The following IGSF21 variants were observed in gnomAD, a reference collection of about 807,000 sequenced individuals.
IGSF21 encodes immunoglobulin superfamily member 21.
A neutral mutation model predicts 46.8 loss-of-function variants in IGSF21; 28 were observed. The ratio of observed to expected loss-of-function variants is 0.60; its 90% CI spans 0.44 to 0.82. The LOEUF is 0.82. IGSF21 is among the 40% of genes least tolerant of loss of function. The probability of loss-of-function intolerance (pLI) is 0.00; values close to 1 mark genes in which losing one functional copy is unlikely to be tolerated. For synonymous variants in IGSF21, 284 were observed against 273.6 expected (o/e 1.04, Z -0.38); for missense variants, 624 against 665.5 (o/e 0.94, Z 0.69).
At chr1:18,304,550 A>G (rs1372992890) in intron 3 of IGSF21, among the ~76,000 whole-genome samples, 2 of 152,176 alleles carry the variant, frequency 1.3e-5, no homozygotes, top group Non-Finnish European at 2.9e-5. Context: ...TCAAAAGTCA[A>G]CTTCTGACTC....
rs566185868 is a variant in IGSF21, at chr1:18,291,617, C to T, written c.184-249C>T. Among the ~76,000 whole-genome samples the T allele has an allele frequency of 6.6e-5, 10 of 152,318 alleles. No homozygotes were observed. The South Asian group carries it at 1.9e-3, about 28-fold the overall frequency. Reference sequence around the variant, plus strand: ...CCTGAGCGCACACTGCTCTTTCCTGCCGCAGGGCCTTTGCTGTTCCCTTTG... The same window carrying T: ...CCTGAGCGCACACTGCTCTTTCCTGTCGCAGGGCCTTTGCTGTTCCCTTTG... On this transcript the variant is annotated intron_variant, in intron 2 of 9. Coordinates refer to ENST00000251296, the MANE Select transcript of IGSF21 (RefSeq NM_032880.5).
chr1:18,205,800 GA>G (rs2084313528), intron 1 of IGSF21, among the ~76,000 whole-genome samples: 1 of 152,218 alleles, frequency 6.6e-6, no homozygotes, highest in Admixed American at 6.5e-5. Context: ...GGATTCGTGA[GA>G]AAGATTCAAA....
intron 1 of IGSF21, among the ~76,000 whole-genome samples, chr1:18,166,500 G>A (rs76415813): frequency 0.21 from 31,495 of 152,112 alleles, 4,071 homozygotes; most frequent in Non-Finnish European, 0.3. Context: ...TATAAACGAC[G>A]CTAATAATAG....
intron 1 of IGSF21, among the ~76,000 whole-genome samples, chr1:18,188,376 A>G (rs2086924318): frequency 6.6e-6 from 1 of 152,144 alleles, no homozygotes; most frequent in African/African-American, 2.4e-5. Context: ...CCCATAAAAT[A>G]TGGCCTTTGG....
At chr1:18,177,238 A>G (rs2086808024) in intron 1 of IGSF21, among the ~76,000 whole-genome samples, 1 of 126,444 alleles carries the variant, frequency 7.9e-6, no homozygotes, top group Admixed American at 7.8e-5. Flanking sequence ...TAATAATCCA[A>G]TAATGGGCAC....
At chr1:18,198,459 G>A (rs1178831364) in intron 1 of IGSF21, among the ~76,000 whole-genome samples, 1 of 152,116 alleles carries the variant, frequency 6.6e-6, no homozygotes, top group Non-Finnish European at 1.5e-5. Flanking sequence ...AGGCTCCCAG[G>A]GTGCCAAGGG....
At chr1:18,299,958 G>T (rs976508207) in intron 3 of IGSF21, among the ~76,000 whole-genome samples, 1 of 152,158 alleles carries the variant, frequency 6.6e-6, no homozygotes, top group African/African-American at 2.4e-5. Context: ...CTGGCCAGTG[G>T]CTCATGCCTG....
intron 3 of IGSF21, among the ~76,000 whole-genome samples, chr1:18,308,619 T>C (rs1188261454): frequency 6.6e-6 from 1 of 152,274 alleles, no homozygotes; most frequent in South Asian, 2.1e-4. Context: ...GCAGTTATAG[T>C]ACAGTGTGCA....
intron 6 of IGSF21, among the ~76,000 whole-genome samples, chr1:18,370,462 T>C (rs2086213824): frequency 6.6e-6 from 1 of 152,130 alleles, no homozygotes; most frequent in African/African-American, 2.4e-5. Flanking sequence ...TTGAAATGAA[T>C]CATAGATTTA....
chr1:18,232,027 T>G (rs568740839), intron 2 of IGSF21, among the ~76,000 whole-genome samples: 23 of 151,434 alleles, frequency 1.5e-4, no homozygotes, highest in Admixed American at 5.3e-4. Flanking sequence ...AACATAAAGA[T>G]GTCAAGAGAG....
chr1:18,128,400 A>G (rs1172263748), intron 1 of IGSF21, among the ~76,000 whole-genome samples: 1 of 152,146 alleles, frequency 6.6e-6, no homozygotes, highest in Non-Finnish European at 1.5e-5. Flanking sequence ...AGTCTGGCTC[A>G]GCCCTGGTGT....
intron 3 of IGSF21, among the ~76,000 whole-genome samples, chr1:18,330,718 GGCCCT>G (rs1452674164): frequency 1.3e-5 from 2 of 152,050 alleles, no homozygotes; most frequent in Non-Finnish European, 2.9e-5. Context: ...AAGTGTGCTG[GGCCCT>G]GTTGGCCAAG....
chr1:18,357,778 G>C (rs913375935), intron 4 of IGSF21, among the ~76,000 whole-genome samples: 1 of 152,118 alleles, frequency 6.6e-6, no homozygotes, highest in Non-Finnish European at 1.5e-5. Context: ...TCCACCAGGA[G>C]ACAGGAGGTG....
intron 1 of IGSF21, among the ~76,000 whole-genome samples, chr1:18,152,506 T>A (rs968026644): frequency 6.6e-6 from 1 of 152,218 alleles, no homozygotes; most frequent in African/African-American, 2.4e-5. Flanking sequence ...GCCTTTTGGG[T>A]GCTGTGTAAG....
chr1:18,157,295 G>T (rs940630716), intron 1 of IGSF21, among the ~76,000 whole-genome samples: 2 of 152,280 alleles, frequency 1.3e-5, no homozygotes, highest in Middle Eastern at 3.4e-3. Flanking sequence ...ACTCTGCCTC[G>T]CTGTCTGTCC....
At chr1:18,331,103 A>G (rs767043454) in intron 3 of IGSF21, among the ~76,000 whole-genome samples, 2 of 152,102 alleles carry the variant, frequency 1.3e-5, no homozygotes, top group Non-Finnish European at 2.9e-5. Flanking sequence ...AGATTTTTAT[A>G]TTCTCCATTT....
intron 2 of IGSF21, among the ~76,000 whole-genome samples, chr1:18,268,748 T>C (rs1221513070): frequency 3.3e-5 from 5 of 152,116 alleles, no homozygotes; most frequent in African/African-American, 1.2e-4. Context: ...ATCATGCATG[T>C]AGTTGGTCTC....
At chr1:18,281,427 G>A (rs1322065881) in intron 2 of IGSF21, among the ~76,000 whole-genome samples, 4 of 152,070 alleles carry the variant, frequency 2.6e-5, no homozygotes, top group African/African-American at 9.7e-5. Flanking sequence ...CTAGCCAGTC[G>A]TGGTGGTGGG....
intron 2 of IGSF21, among the ~76,000 whole-genome samples, chr1:18,262,332 G>A (rs1398092129): frequency 6.6e-6 from 1 of 152,194 alleles, no homozygotes; most frequent in East Asian, 1.9e-4. Flanking sequence ...TGCAGTGGAT[G>A]GCAGCAAGTG....
Sources: allele counts gnomAD v4.1 joint callset (sites outside exome capture counted in the v4.1 genomes callset), GRCh38; gene constraint gnomAD v4.1.1; transcripts MANE v1.5; gene names NCBI Gene and HGNC (gene_info 2026-07-23, HGNC 2026-07-21).